Variants in TRIP11 observed in about 807,000 individuals in gnomAD.
TRIP11 encodes thyroid hormone receptor interactor 11.
TRIP11 carries 148 observed loss-of-function variants against 223.1 expected under a neutral mutation model. That is an observed-to-expected ratio of 0.66 (90% CI 0.58 to 0.76). The LOEUF is 0.76. Ranked by LOEUF, TRIP11 falls within the 30% of genes least tolerant of loss-of-function variation. The pLI is 0.00. For synonymous variants in TRIP11, 762 were observed against 772.6 expected (o/e 0.99, Z 0.23); for missense variants, 2,043 against 2,222.0 (o/e 0.92, Z 1.62).
Position 91,969,805 on chromosome 14 carries a change from A to G in TRIP11, c.5808T>C (p.Ala1936=), listed in dbSNP as rs2056378992. The part of the protein sequence containing the change: ...RSAAVPLINP[A]GLGPGGPGHL... ...GCCCGGGCCCACCAGGTCCAAGTCC[A>G]GCTGGGTTAATAAGAGGTACAGCTG... The change falls in exon 21 of 21, where the codon GCT becomes GCC. Residue 1936 remains alanine (A), a synonymous_variant. Coordinates refer to ENST00000267622, the MANE Select transcript of TRIP11 (RefSeq NM_004239.4). The G allele has an allele frequency of 6.2e-7, 1 of 1,614,096 alleles. No homozygotes were observed. Among genetic ancestry groups the G allele is most frequent in the Non-Finnish European group, 8.5e-7 (1 of 1,180,052 alleles).
chr14:92,003,318 C>G, intron 11 of TRIP11, 101 bp downstream of exon 11: 2 of 1,474,748 alleles, frequency 1.4e-6, no homozygotes, highest in South Asian at 1.2e-5. Context: ...TCTAAATGAA[C>G]AAATGCACAG....
chr14:92,039,595 A>T lies in TRIP11; in HGVS notation c.91T>A (p.Ser31Thr), dbSNP rs377257603. The T allele has an allele frequency of 6.2e-7, 1 of 1,613,750 alleles. No individual in the cohort carries two copies. The highest frequency in any genetic ancestry group is 8.5e-7 in the Non-Finnish European group (1 of 1,179,904). The change falls in exon 1 of 21, where the codon TCA becomes ACA. Residue 31 changes from serine to threonine, a missense_variant. Ser to Thr is a moderately conservative substitution (Grantham distance 58). Coordinates refer to ENST00000267622, the MANE Select transcript of TRIP11 (RefSeq NM_004239.4). ...GSLASLTGQI[S>T]NFTKDMLMEG... ...ATCAGCATATCCTTTGTAAAGTTTG[A>T]TATCTGGCCAGTGAGGGAAGCCAGG... is the stretch of plus-strand genomic sequence containing the variant.
chr14:92,002,789 C>A (rs529954100), intron 11 of TRIP11, among the ~76,000 whole-genome samples: 7 of 152,012 alleles, frequency 4.6e-5, no homozygotes, highest in African/African-American at 7.3e-5. Context: ...CTATGTTGGT[C>A]AGGCTGGTCT....
At chr14:92,025,458 G>A (rs2057170502) in intron 2 of TRIP11, 38 bp from the exon 3 acceptor site, 1 of 1,405,168 alleles carries the variant, frequency 7.1e-7, no homozygotes, top group East Asian at 2.3e-5. Flanking sequence ...AAGACTGCAA[G>A]TAAAACATGT....
Position 92,010,824 on chromosome 14 carries a change from A to G in TRIP11, c.1314+162T>C, listed in dbSNP as rs2277526. ...GCCAGCCACTTATACTCTGAACTTTACCCAGGTACTTCCACCTAGCCTGAA... is the reference window on the plus strand; with the variant it reads ...GCCAGCCACTTATACTCTGAACTTTGCCCAGGTACTTCCACCTAGCCTGAA... On this transcript the variant is annotated intron_variant, in intron 9 of 20. Coordinates refer to ENST00000267622, the MANE Select transcript of TRIP11 (RefSeq NM_004239.4). Among the ~76,000 whole-genome samples, 97,502 of 151,434 alleles carry G rather than the reference A, an allele frequency of 0.64. 33,343 individuals carry two copies. Among genetic ancestry groups the G allele is most frequent in the African/African-American group, 0.89 (36,605 of 41,268 alleles).
intron 20 of TRIP11, among the ~76,000 whole-genome samples, chr14:91,970,101 G>A (rs575260752): frequency 1.3e-5 from 2 of 152,178 alleles, no homozygotes; most frequent in South Asian, 4.2e-4. Context: ...TTTTTGGACT[G>A]GTCTTTATTC....
chr14:92,039,407 AGAG>A lies in TRIP11; in HGVS notation c.139+137_139+139del, dbSNP rs1260382680. 4.3e-5 allele frequency: 36 copies of A among 846,352 alleles called. No homozygotes were observed. In the South Asian group the frequency reaches 5.3e-4, roughly 12 times the overall value. 52.4% of individuals were successfully genotyped at this position (846,352 alleles called of 1,614,324 possible). ...ATAGAAAATCTGTTGAGAAGAGGCAAGAGGAGGTGTGTGAAGAAAAAAGGGAGG... is the reference window on the plus strand; with the variant it reads ...ATAGAAAATCTGTTGAGAAGAGGCAAGAGGTGTGTGAAGAAAAAAGGGAGG... On this transcript the variant is annotated intron_variant, in intron 1 of 20. Coordinates refer to ENST00000267622, the MANE Select transcript of TRIP11 (RefSeq NM_004239.4).
At position 91,975,404 on chromosome 14, in the gene TRIP11, A is replaced by G. The variant is rs185736646; in HGVS notation, c.5343-118T>C. On this transcript the variant is annotated intron_variant, in intron 17 of 20. Coordinates refer to ENST00000267622, the MANE Select transcript of TRIP11 (RefSeq NM_004239.4). ...TAAATATTTACTTATAAAAAAGTCT[A>G]AACAAAATATTTTAAAGTGTCTTTA... 2.0e-3 allele frequency: 1,155 copies of G among 567,492 alleles called. 3 individuals carry two copies. Among genetic ancestry groups the G allele is most frequent in the Non-Finnish European group, 2.8e-3 (941 of 341,854 alleles). 35.2% of individuals were successfully genotyped at this position (567,492 alleles called of 1,614,324 possible).
In TRIP11 at chr14:91,966,042, A is replaced by G. The variant is rs2056339708; in HGVS notation, c.*3631T>C. On this transcript the variant is annotated 3_prime_UTR_variant, in exon 21 of 21. Coordinates refer to ENST00000267622, the MANE Select transcript of TRIP11 (RefSeq NM_004239.4). ...GACTGAAGACATTGCCAACTTACAT[A>G]TATCATTTTTATTTGGAGTATTTTT... 5.9e-6 allele frequency: 1 copy of G among 169,620 alleles called. No homozygotes were observed. Among genetic ancestry groups the G allele is most frequent in the Non-Finnish European group, 1.3e-5 (1 of 77,938 alleles). The allele number at this position is 169,620 out of a possible 1,614,324, so 10.5% of individuals were successfully genotyped here.
intron 2 of TRIP11, among the ~76,000 whole-genome samples, chr14:92,028,538 A>G (rs995938663): frequency 2.6e-5 from 4 of 152,178 alleles, no homozygotes; most frequent in Admixed American, 2.0e-4. Flanking sequence ...TGGGTGACAG[A>G]GCAAGACCCT....
At chr14:91,972,235 A>C (rs2140079987) in intron 20 of TRIP11, among the ~76,000 whole-genome samples, 1 of 152,326 alleles carries the variant, frequency 6.6e-6, no homozygotes, top group Middle Eastern at 3.4e-3. Context: ...CAGTTTGTTA[A>C]ACTGCGCTTA....
rs550190880 is a variant in TRIP11 at position 92,024,031 on chromosome 14, T to C, written c.312+1279A>G. 2.3e-4 allele frequency among the ~76,000 whole-genome samples: 35 copies of C among 151,962 alleles called. No individual in the cohort carries two copies. In the Middle Eastern group the frequency reaches 0.014, roughly 59 times the overall value. ...CCACCACGTCCGGCTAATTTTTGTATTATTAGTAGAGATGGGGAATCAAGA... is the reference window on the plus strand; with the variant it reads ...CCACCACGTCCGGCTAATTTTTGTACTATTAGTAGAGATGGGGAATCAAGA... On this transcript the variant is annotated intron_variant, in intron 3 of 20. Transcript: ENST00000267622.
At chr14:92,010,516 G>A (rs1194364195) in intron 9 of TRIP11, among the ~76,000 whole-genome samples, 1 of 151,508 alleles carries the variant, frequency 6.6e-6, no homozygotes, top group Admixed American at 6.6e-5. Context: ...GGCAACAAGA[G>A]CGAAACTCCA....
chr14:91,969,099 A>G lies in TRIP11; in HGVS notation c.*574T>C, dbSNP rs913464612. ...CATCTCTATTTAAAACAAACAAAAA[A>G]AGAATCTACACACATGATAATATTG... On this transcript the variant is annotated 3_prime_UTR_variant, in exon 21 of 21. Transcript: ENST00000267622. 1.8e-5 allele frequency: 4 copies of G among 224,544 alleles called. No individual in the cohort carries two copies. Among genetic ancestry groups the G allele is most frequent in the African/African-American group, 9.1e-5 (4 of 44,188 alleles). 13.9% of individuals were successfully genotyped at this position (224,544 alleles called of 1,614,324 possible).
At chr14:91,971,255 C>A (rs1002946987) in intron 20 of TRIP11, among the ~76,000 whole-genome samples, 13 of 152,156 alleles carry the variant, frequency 8.5e-5, no homozygotes, top group African/African-American at 3.1e-4. Flanking sequence ...AGCACTAAGA[C>A]AAATTTGTCA....
chr14:92,004,524 C>A lies in TRIP11; in HGVS notation c.3452G>T (p.Gly1151Val). The change falls in exon 11 of 21, where the codon GGC becomes GTC. Residue 1151 changes from glycine (G) to valine (V), a missense_variant. Gly to Val is a moderately radical substitution (Grantham distance 109). Coordinates refer to ENST00000267622, the MANE Select transcript of TRIP11 (RefSeq NM_004239.4). ...AATAGTTTCTCTAAACATATCTTGG[C>A]CACTACTTTCAAATCTAGTGGACAA... ...KKLSTRFESSGQDMFRETIQN... is the reference protein window; with the variant it reads ...KKLSTRFESSVQDMFRETIQN... 6.2e-7 allele frequency: 1 copy of A among 1,613,122 alleles called. No individual in the cohort carries two copies. Among genetic ancestry groups the A allele is most frequent in the Non-Finnish European group, 8.5e-7 (1 of 1,179,926 alleles).
rs1294029121 is a variant in TRIP11, at chr14:92,005,668, TTTGA to T, written c.2304_2307del (p.Asn768LysfsTer7). ...AGTTCTGCTATTTCCATGTCTTTCTTTTGATTGAGTTTAATTAAATGCTCATGTT... is the reference window on the plus strand; with the variant it reads ...AGTTCTGCTATTTCCATGTCTTTCTTTTGAGTTTAATTAAATGCTCATGTT... On this transcript the variant is annotated frameshift_variant, in exon 11 of 21. Coordinates refer to ENST00000267622, the MANE Select transcript of TRIP11 (RefSeq NM_004239.4). LOFTEE classifies it high-confidence loss of function. 1 of 1,613,782 alleles carries T rather than the reference TTTGA, an allele frequency of 6.2e-7. No individual in the cohort carries two copies. Among genetic ancestry groups the T allele is most frequent in the South Asian group, 1.1e-5 (1 of 91,082 alleles).
chr14:92,032,838 A>C (rs1195257775), intron 2 of TRIP11, among the ~76,000 whole-genome samples: 1 of 152,040 alleles, frequency 6.6e-6, no homozygotes, highest in African/African-American at 2.4e-5. Flanking sequence ...GTTTCAAAAA[A>C]AAAAAAAAAA....
intron 15 of TRIP11, among the ~76,000 whole-genome samples, chr14:91,993,342 G>A (rs2056704088): frequency 6.6e-6 from 1 of 151,772 alleles, no homozygotes; most frequent in South Asian, 2.1e-4. Flanking sequence ...TGGGTATGAT[G>A]GTGCACGCCT....
Sources: gnomAD v4.1 joint callset for allele counts (sites outside exome capture counted in the v4.1 genomes callset) on GRCh38, gnomAD v4.1.1 for gene constraint, MANE v1.5 for transcripts, NCBI Gene and HGNC (gene_info 2026-07-23, HGNC 2026-07-21) for gene names.